The following PRMT2 variants were observed in gnomAD, a reference collection of about 807,000 sequenced individuals.
PRMT2 encodes protein arginine methyltransferase 2, also known as protein arginine N-methyltransferase 2.
In PRMT2, 26 loss-of-function variants were observed where a neutral mutation model predicts 57.6. The ratio of observed to expected loss-of-function variants is 0.45; its 90% CI spans 0.33 to 0.63. The LOEUF is 0.63. Ranked by LOEUF, PRMT2 falls within the 20% of genes least tolerant of loss-of-function variation. The probability of loss-of-function intolerance (pLI) is 0.02; values close to 1 mark genes in which losing one functional copy is unlikely to be tolerated. For missense variants in PRMT2, 472 were observed against 564.4 expected (o/e 0.84, Z 1.66); for synonymous variants, 219 against 220.0 (o/e 1.00, Z 0.04).
chr21:46,646,406 T>G (rs1035441259), intron 5 of PRMT2, among the ~76,000 whole-genome samples: 31 of 152,194 alleles, frequency 2.0e-4, no homozygotes, highest in African/African-American at 7.5e-4. Context: ...CCCACCAGAT[T>G]CCTCTGTGCT....
Position 46,664,403 on chromosome 21 carries a change from G to C in PRMT2, c.*76G>C. The C allele has an allele frequency of 6.4e-7, 1 of 1,571,092 alleles. No homozygotes were observed. On this transcript the variant is annotated 3_prime_UTR_variant, in exon 12 of 12. Transcript: ENST00000355680. Reference sequence around the variant, plus strand: ...ACACAAGCAAACCAAGTTGCACCTGGCTTCTGCACACTCCTGCGAAAGTCG... The same window carrying C: ...ACACAAGCAAACCAAGTTGCACCTGCCTTCTGCACACTCCTGCGAAAGTCG...
chr21:46,660,765 A>G, intron 8 of PRMT2, 68 bp from the exon 9 acceptor site: 1 of 1,576,382 alleles, frequency 6.3e-7, no homozygotes, highest in Non-Finnish European at 8.7e-7. Context: ...CCGCGGTCCC[A>G]CGTGTGTGTT....
intron 5 of PRMT2, among the ~76,000 whole-genome samples, chr21:46,646,208 C>T (rs1157719152): frequency 6.6e-6 from 1 of 152,196 alleles, no homozygotes; most frequent in Non-Finnish European, 1.5e-5. Flanking sequence ...TATAACAATA[C>T]TTGACTAACT....
intron 7 of PRMT2, chr21:46,653,219 C>G: frequency 1.0e-6 from 1 of 985,390 alleles, no homozygotes; most frequent in Non-Finnish European, 1.2e-6. Context: ...TGTAATAATT[C>G]TCTTCACACA....
At chr21:46,660,805 C>G (rs769413372) in intron 8 of PRMT2, 28 bp from the exon 9 acceptor site, 44 of 1,611,876 alleles carry the variant, frequency 2.7e-5, no homozygotes, top group Non-Finnish European at 3.6e-5. Context: ...CAATGACTCT[C>G]AACAGTCGCT....
intron 8 of PRMT2, chr21:46,660,128 T>C (rs1601953562): frequency 1.0e-6 from 1 of 973,002 alleles, no homozygotes; most frequent in Non-Finnish European, 1.2e-6. Context: ...TATTAAAACA[T>C]TCACTTTTAT....
At chr21:46,651,858 C>A in intron 7 of PRMT2, 1 of 1,613,070 alleles carries the variant, frequency 6.2e-7, no homozygotes, top group Non-Finnish European at 8.5e-7. Context: ...GCGTCTGGCC[C>A]TCTTCACGTC....
In PRMT2 at chr21:46,649,842, T is replaced by C; in HGVS notation, c.654+103T>C. The C allele has an allele frequency of 6.5e-7, 1 of 1,529,208 alleles. No individual in the cohort carries two copies. The highest frequency in any genetic ancestry group is 2.0e-5 in the Admixed American group (1 of 49,992). 94.7% of individuals were successfully genotyped at this position (1,529,208 alleles called of 1,614,324 possible). ...GATCTCAAGGGTCGTGCGTGATTCA[T>C]TTTGATGTTTTCCCTAATGTGAGGT... On this transcript the variant is annotated intron_variant, in intron 7 of 11. Coordinates refer to ENST00000355680, the MANE Select transcript of PRMT2 (RefSeq NM_206962.4). The surrounding 1 kb of genome is among the most constrained non-coding windows in gnomAD (Gnocchi z 4.8).
chr21:46,653,412 TG>T (rs1204487429), intron 7 of PRMT2: 3 of 992,730 alleles, frequency 3.0e-6, no homozygotes, highest in Non-Finnish European at 3.6e-6. Flanking sequence ...GTGTAGATGA[TG>T]GGACAGCTCC....
At chr21:46,653,705 G>A in intron 7 of PRMT2, 8 of 1,257,154 alleles carry the variant, frequency 6.4e-6, no homozygotes, top group Non-Finnish European at 8.1e-6. Context: ...GCTAGTTCTG[G>A]TGCCCACACG....
intron 7 of PRMT2, among the ~76,000 whole-genome samples, chr21:46,655,270 C>T (rs1340434410): frequency 6.6e-6 from 1 of 151,966 alleles, no homozygotes; most frequent in Non-Finnish European, 1.5e-5. Flanking sequence ...ACCTACAGAC[C>T]AATAACCCTC....
chr21:46,637,166 G>A (rs2061187549), intron 3 of PRMT2, among the ~76,000 whole-genome samples, 176 bp downstream of exon 3: 1 of 152,196 alleles, frequency 6.6e-6, no homozygotes, highest in African/African-American at 2.4e-5. Context: ...TGCCTGTAAG[G>A]TGACATCCTG....
At position 46,648,238 on chromosome 21, in the gene PRMT2, A is replaced by G; in HGVS notation, c.328-220A>G. 1 of 484,930 alleles carries G rather than the reference A, an allele frequency of 2.1e-6. No homozygotes were observed. The allele number at this position is 484,930 out of a possible 1,614,324, so 30.0% of individuals were successfully genotyped here. ...TTTCTTGTTAAATTTGTTCCTAGGT[A>G]TTTTTTGTGTATTATTACTGTTATA... On this transcript the variant is annotated intron_variant, in intron 5 of 11. Transcript: ENST00000355680. The surrounding 1 kb of genome is among the most constrained non-coding windows in gnomAD (Gnocchi z 4.8).
In PRMT2 at chr21:46,649,943, A is replaced by G. The variant is rs1183170070; in HGVS notation, c.654+204A>G. Reference sequence around the variant, plus strand: ...GATTTAAAAAATGCCTTTATGAGAAATTTAAGTCAAAGTTCATGTAACATT... The same window carrying G: ...GATTTAAAAAATGCCTTTATGAGAAGTTTAAGTCAAAGTTCATGTAACATT... On this transcript the variant is annotated intron_variant, in intron 7 of 11. Transcript: ENST00000355680. The surrounding 1 kb of genome is among the most constrained non-coding windows in gnomAD (Gnocchi z 4.8). 2 of 1,448,422 alleles carry G rather than the reference A, an allele frequency of 1.4e-6. No homozygotes were observed. The highest frequency in any genetic ancestry group is 5.0e-5 in the East Asian group (2 of 39,968). The allele number at this position is 1,448,422 out of a possible 1,614,324, so 89.7% of individuals were successfully genotyped here.
chr21:46,641,123 C>CAAAAAAAAAA lies in PRMT2; in HGVS notation c.40-2404_40-2395dup, dbSNP rs55728457. ...TGGGTGACAGAGGGTGACCTCATCT[C>CAAAAAAAAAA]AAAAAAAAAAAAAAAAAGCGTATTC... On this transcript the variant is annotated intron_variant, in intron 3 of 11. Transcript: ENST00000355680. Among the ~76,000 whole-genome samples the CAAAAAAAAAA allele has an allele frequency of 1.9e-5, 2 of 104,606 alleles. 1 individual carries two copies. Among genetic ancestry groups the CAAAAAAAAAA allele is most frequent in the African/African-American group, 7.7e-5 (2 of 25,932 alleles). 68.6% of individuals were successfully genotyped at this position (104,606 alleles called of 152,430 possible). A position where few individuals can be genotyped will look rare whatever the true frequency, so the allele number is the denominator to read the frequency against.
At chr21:46,661,765 G>T in intron 9 of PRMT2, 35 bp from the exon 10 acceptor site, 3 of 1,309,546 alleles carry the variant, frequency 2.3e-6, no homozygotes, top group Non-Finnish European at 2.9e-6. Flanking sequence ...GTGCCACGCG[G>T]TGCCCACGCG....
chr21:46,640,401 GTC>G (rs895791076), intron 3 of PRMT2, among the ~76,000 whole-genome samples: 2 of 150,222 alleles, frequency 1.3e-5, no homozygotes, highest in South Asian at 2.1e-4. Flanking sequence ...ACTAGTGTGA[GTC>G]TGCTGTGTCA....
At position 46,663,501 on chromosome 21, in the gene PRMT2, T is replaced by A; in HGVS notation, c.1216T>A (p.Ser406Thr). The stretch of plus-strand genomic sequence containing the variant: ...AAACCCAGTGTGGAGAAGGCACATG[T>A]CTGTGGCTCTGAGCTGGGCTGTCAC... The part of the protein sequence containing the change: ...QRNPVWRRHM[S>T]VALSWAVTSR... The change falls in exon 11 of 12, where the codon TCT becomes ACT. Residue 406 changes from serine to threonine, a missense_variant. By Grantham distance (58) the Ser-to-Thr change is moderately conservative. Around this residue, in one of 2 missense-constraint regions of PRMT2, gnomAD observed 229 missense variants for 217.2 expected, o/e 1.05. Coordinates refer to ENST00000355680, the MANE Select transcript of PRMT2 (RefSeq NM_206962.4). 1 of 1,614,200 alleles carries A rather than the reference T, an allele frequency of 6.2e-7. No individual in the cohort carries two copies. Among genetic ancestry groups the A allele is most frequent in the African/African-American group, 1.3e-5 (1 of 75,072 alleles).
chr21:46,636,783 T>G, intron 2 of PRMT2, 113 bp from the exon 3 acceptor site: 1 of 603,052 alleles, frequency 1.7e-6, no homozygotes. Flanking sequence ...TCTTCACACA[T>G]ACACATTTTA....
Sources: allele counts gnomAD v4.1 joint callset (sites outside exome capture counted in the v4.1 genomes callset), GRCh38; gene constraint gnomAD v4.1.1; regional missense constraint gnomAD v4.1.1; non-coding constraint Gnocchi (gnomAD v3.1); transcripts MANE v1.5; gene names NCBI Gene and HGNC (gene_info 2026-07-23, HGNC 2026-07-21).